Variants in MYO6 observed in about 807,000 individuals in gnomAD.
The protein encoded by MYO6 is myosin VI, also known as unconventional myosin-VI.
In MYO6, 74 loss-of-function variants were observed where a neutral mutation model predicts 178.7. The ratio of observed to expected loss-of-function variants is 0.41; its 90% CI spans 0.34 to 0.50. The LOEUF is 0.50. Ranked by LOEUF, MYO6 falls within the 20% of genes least tolerant of loss-of-function variation. MYO6 has a pLI of 0.09. For missense variants in MYO6, 1,330 were observed against 1,547.4 expected (o/e 0.86, Z 2.36); for synonymous variants, 477 against 504.6 (o/e 0.95, Z 0.73).
chr6:75,848,713 TC>T lies in MYO6; in HGVS notation c.1078+183del, dbSNP rs1014815523. 3.6e-4 allele frequency among the ~76,000 whole-genome samples: 48 copies of T among 131,554 alleles called. No individual in the cohort carries two copies. In the Admixed American group the frequency reaches 3.7e-3, roughly 10 times the overall value. 86.3% of individuals were successfully genotyped at this position (131,554 alleles called of 152,430 possible). On this transcript the variant is annotated intron_variant, in intron 11 of 34. Transcript: ENST00000369977. ...TGTTTCATTATCAGTCATTCTGAGC[TC>T]TGTTTTGAACAAATCAGTGATATTG...
chr6:75,903,003 C>G (rs911042100), intron 30 of MYO6, among the ~76,000 whole-genome samples: 17 of 152,012 alleles, frequency 1.1e-4, no homozygotes, highest in South Asian at 4.2e-4. Flanking sequence ...CATTCAGGAG[C>G]AGGTTGTTCA....
intron 1 of MYO6, among the ~76,000 whole-genome samples, chr6:75,783,415 G>C (rs1767189600): frequency 6.6e-6 from 1 of 152,188 alleles, no homozygotes; most frequent in African/African-American, 2.4e-5. Flanking sequence ...AAGTAGACTT[G>C]TTAAGTGGTG....
Position 75,892,622 on chromosome 6 carries a change from C to T in MYO6, c.3039C>T (p.Ala1013=), listed in dbSNP as rs1474433261. 1.9e-6 allele frequency: 3 copies of T among 1,613,088 alleles called. No individual in the cohort carries two copies. In the East Asian group the frequency reaches 6.7e-5, roughly 36 times the overall value. ...AGGAGCGCAGGGACCGGGAGCTGGCCCTGAGGATTGCCCAGAGTGAAGCCG... is the reference window on the plus strand; with the variant it reads ...AGGAGCGCAGGGACCGGGAGCTGGCTCTGAGGATTGCCCAGAGTGAAGCCG... ...LEQERRDREL[A]LRIAQSEAEL... Residue 1013 remains alanine (A), a synonymous_variant, in exon 28 of 35, where the codon GCC becomes GCT. Transcript: ENST00000369977.
chr6:75,897,531 G>A (rs989389839), intron 29 of MYO6, among the ~76,000 whole-genome samples: 1 of 152,082 alleles, frequency 6.6e-6, no homozygotes, highest in Non-Finnish European at 1.5e-5. Context: ...CCAGCTCTTG[G>A]CAGGCATTCA....
intron 16 of MYO6, among the ~76,000 whole-genome samples, chr6:75,864,764 A>G (rs1025412224): frequency 3.9e-5 from 6 of 152,234 alleles, no homozygotes; most frequent in Non-Finnish European, 8.8e-5. Context: ...CCTATTTTAT[A>G]TAGGTTATTC....
At position 75,844,973 on chromosome 6, in the gene MYO6, C is replaced by G; in HGVS notation, c.893C>G (p.Pro298Arg). Residue 298 changes from proline (P) to arginine (R), a missense_variant, in exon 10 of 35, where the codon CCT becomes CGT. Pro to Arg is a moderately radical substitution (Grantham distance 103, BLOSUM62 -2). Transcript: ENST00000369977. ...CAGATTTTACAGAACCGCAAAAGTCCTGAGGTATAGTAGACCATTGTTCAT... is the reference window on the plus strand; with the variant it reads ...CAGATTTTACAGAACCGCAAAAGTCGTGAGGTATAGTAGACCATTGTTCAT... Reference protein sequence around the residue: ...DKQILQNRKSPEYLKAGSMKD... With the variant: ...DKQILQNRKSREYLKAGSMKD... 5 of 1,609,408 alleles carry G rather than the reference C, an allele frequency of 3.1e-6. No individual in the cohort carries two copies. The highest frequency in any genetic ancestry group is 4.3e-6 in the Non-Finnish European group (5 of 1,176,080).
At chr6:75,889,649 G>T (rs1326327578) in intron 25 of MYO6, among the ~76,000 whole-genome samples, 1 of 152,182 alleles carries the variant, frequency 6.6e-6, no homozygotes, top group Admixed American at 6.5e-5. Flanking sequence ...CTGACCTCAG[G>T]TGATCTGTCC....
At chr6:75,775,315 A>G (rs1314083847) in intron 1 of MYO6, among the ~76,000 whole-genome samples, 2 of 152,212 alleles carry the variant, frequency 1.3e-5, no homozygotes, top group Admixed American at 1.3e-4. Context: ...TAGCAGGCAC[A>G]GAAGAAATTG....
chr6:75,886,734 A>G, intron 24 of MYO6, 110 bp from the exon 25 acceptor site: 4 of 1,038,314 alleles, frequency 3.9e-6, no homozygotes, highest in Non-Finnish European at 5.9e-6. Flanking sequence ...AGAATAGTAG[A>G]TAATATTGAA....
At chr6:75,837,396 ATTT>A (rs1389799823) in intron 7 of MYO6, among the ~76,000 whole-genome samples, 3 of 152,030 alleles carry the variant, frequency 2.0e-5, no homozygotes, top group Admixed American at 1.3e-4. Flanking sequence ...CTCTCTTGGC[ATTT>A]TTTGTTTTTA....
chr6:75,862,418 C>T lies in MYO6; in HGVS notation c.1547-178C>T, dbSNP rs113631314. Among the ~76,000 whole-genome samples the T allele has an allele frequency of 1.9e-3, 289 of 152,220 alleles. 2 individuals are homozygous for T. Among genetic ancestry groups the T allele is most frequent in the African/African-American group, 6.5e-3 (270 of 41,536 alleles). On this transcript the variant is annotated intron_variant, in intron 15 of 34. Coordinates refer to ENST00000369977, the MANE Select transcript of MYO6 (RefSeq NM_004999.4). The stretch of plus-strand genomic sequence containing the variant: ...ATATATACTGTTACTTTTTTATAAA[C>T]GGCCAGATTTGAAATAAAAATCCGT...
chr6:75,895,840 G>C (rs1189883016), intron 29 of MYO6, among the ~76,000 whole-genome samples: 1 of 151,908 alleles, frequency 6.6e-6, no homozygotes, highest in Non-Finnish European at 1.5e-5. Flanking sequence ...TTTTTAAACT[G>C]CCCCTTACCT....
At chr6:75,776,906 A>G (rs546852739) in intron 1 of MYO6, among the ~76,000 whole-genome samples, 7 of 152,304 alleles carry the variant, frequency 4.6e-5, no homozygotes, top group Middle Eastern at 6.8e-3. Flanking sequence ...TTATGTAACA[A>G]TAGCTCATGT....
chr6:75,753,630 T>A (rs926890653), intron 1 of MYO6, among the ~76,000 whole-genome samples: 1 of 151,952 alleles, frequency 6.6e-6, no homozygotes, highest in African/African-American at 2.4e-5. Context: ...CCTGGCTAAC[T>A]TTTTTGTGTT....
At chr6:75,815,159 G>A (rs961736625) in intron 1 of MYO6, among the ~76,000 whole-genome samples, 8 of 152,162 alleles carry the variant, frequency 5.3e-5, no homozygotes, top group Admixed American at 1.3e-4. Context: ...GAACTAAGAC[G>A]GTAGAGGAGA....
At chr6:75,809,152 A>T (rs1392320147) in intron 1 of MYO6, among the ~76,000 whole-genome samples, 1 of 152,212 alleles carries the variant, frequency 6.6e-6, no homozygotes, top group Non-Finnish European at 1.5e-5. Flanking sequence ...GTAACTTTTT[A>T]AAAAATGTTT....
Position 75,861,096 on chromosome 6 carries a change from G to T in MYO6, c.1546+1G>T. 1 of 1,605,582 alleles carries T rather than the reference G, an allele frequency of 6.2e-7. No individual in the cohort carries two copies. The highest frequency in any genetic ancestry group is 8.5e-7 in the Non-Finnish European group (1 of 1,172,892). ...TATGTGGATAATCAGGACTGTATAG[G>T]TATGTGTTTTTTAACTCCACCTTTG... On this transcript the variant is annotated splice_donor_variant, in intron 15 of 34. Coordinates refer to ENST00000369977, the MANE Select transcript of MYO6 (RefSeq NM_004999.4). LOFTEE classifies it high-confidence loss of function.
intron 23 of MYO6, among the ~76,000 whole-genome samples, chr6:75,883,079 T>C (rs1343516005): frequency 1.3e-5 from 2 of 152,210 alleles, no homozygotes; most frequent in African/African-American, 4.8e-5. Flanking sequence ...TCAGTGTTTT[T>C]ATATACATAC....
At chr6:75,784,773 T>G (rs1767356143) in intron 1 of MYO6, among the ~76,000 whole-genome samples, 1 of 75,256 alleles carries the variant, frequency 1.3e-5, no homozygotes, top group South Asian at 4.7e-4. Flanking sequence ...TGAGACTCCG[T>G]CTCAAAAAAA....
Sources: gnomAD v4.1 joint callset for allele counts (sites outside exome capture counted in the v4.1 genomes callset) on GRCh38, gnomAD v4.1.1 for gene constraint, MANE v1.5 for transcripts, NCBI Gene and HGNC (gene_info 2026-07-23, HGNC 2026-07-21) for gene names.